Variants in SHISA6 observed in about 807,000 individuals in gnomAD.
The protein encoded by SHISA6 is protein shisa-6.
Under a neutral mutation model 47.9 loss-of-function variants are expected in SHISA6, and 22 were observed. That is an observed-to-expected ratio of 0.46 (90% CI 0.33 to 0.66). SHISA6 has a LOEUF of 0.66. Ranked by LOEUF, SHISA6 falls within the 30% of genes least tolerant of loss-of-function variation. SHISA6 has a pLI of 0.02. For synonymous variants in SHISA6, 388 were observed against 337.8 expected (o/e 1.15, Z -1.63); for missense variants, 680 against 764.6 (o/e 0.89, Z 1.30).
intron 3 of SHISA6, among the ~76,000 whole-genome samples, chr17:11,385,803 C>G (rs1325994041): frequency 6.6e-6 from 1 of 152,046 alleles, no homozygotes; most frequent in African/African-American, 2.4e-5. Flanking sequence ...AGCCAGGCAT[C>G]AGGAAACCAG....
At chr17:11,280,858 C>A (rs1363866779) in intron 2 of SHISA6, among the ~76,000 whole-genome samples, 1 of 152,136 alleles carries the variant, frequency 6.6e-6, no homozygotes, top group Non-Finnish European at 1.5e-5. Context: ...GAAATGGAGG[C>A]CTTGAATGGC....
In SHISA6 at chr17:11,559,230, C is replaced by T. The variant is rs1323677790; in HGVS notation, c.*926C>T. The T allele has an allele frequency of 2.0e-5, 3 of 152,604 alleles. No individual in the cohort carries two copies. Among genetic ancestry groups the T allele is most frequent in the African/African-American group, 7.2e-5 (3 of 41,468 alleles). The allele number at this position is 152,604 out of a possible 1,614,324, so 9.5% of individuals were successfully genotyped here. On this transcript the variant is annotated 3_prime_UTR_variant, in exon 6 of 6. Transcript: ENST00000441885. This position sits in a 1 kb window ranked among gnomAD's most constrained non-coding sequence, Gnocchi z 4.4. ...GGCCTCTAGACCTGACCATGACTGC[C>T]ACTCAGGCTGCCTTCTCCACCCCTG...
intron 2 of SHISA6, among the ~76,000 whole-genome samples, chr17:11,311,784 C>CT (rs528207675): frequency 3.2e-4 from 48 of 150,254 alleles, no homozygotes; most frequent in East Asian, 9.8e-4. Flanking sequence ...CTTTTCTTTT[C>CT]TTTTTTTTTG....
chr17:11,527,071 T>C lies in SHISA6; in HGVS notation c.896-24825T>C, dbSNP rs528588203. Among the ~76,000 whole-genome samples the C allele has an allele frequency of 3.8e-4, 57 of 151,894 alleles. 1 individual carries two copies. The South Asian group carries it at 0.012, about 31-fold the overall frequency. ...TCCCATCTTCCAAAAGGGAAACCCT[T>C]TACCACCCAAGAATACAGACCTATT... is the stretch of plus-strand genomic sequence containing the variant. On this transcript the variant is annotated intron_variant, in intron 3 of 5. Coordinates refer to ENST00000441885, the MANE Select transcript of SHISA6 (RefSeq NM_207386.4).
chr17:11,395,972 G>A (rs921572831), intron 3 of SHISA6, among the ~76,000 whole-genome samples: 9 of 152,162 alleles, frequency 5.9e-5, no homozygotes, highest in Non-Finnish European at 1.5e-5. Context: ...TTAAGATCCT[G>A]TCTTTATGAC....
At position 11,381,631 on chromosome 17, in the gene SHISA6, A is replaced by C. The variant is rs138622502; in HGVS notation, c.895+2122A>C. 3.7e-3 allele frequency among the ~76,000 whole-genome samples: 566 copies of C among 152,320 alleles called. 4 individuals carry two copies. Among genetic ancestry groups the C allele is most frequent in the Middle Eastern group, 0.014 (4 of 294 alleles). On this transcript the variant is annotated intron_variant, in intron 3 of 5. Coordinates refer to ENST00000441885, the MANE Select transcript of SHISA6 (RefSeq NM_207386.4). ...ATCCAAGCCATAGGTGAGCCAGATC[A>C]TGCATTTATCCAATAGTGGACGTTA...
At chr17:11,545,783 C>T (rs1197881141) in intron 3 of SHISA6, among the ~76,000 whole-genome samples, 2 of 152,196 alleles carry the variant, frequency 1.3e-5, no homozygotes, top group Non-Finnish European at 2.9e-5. Flanking sequence ...TGTTGGCTGT[C>T]AACTGAGACC....
chr17:11,357,817 G>A (rs759076236), intron 2 of SHISA6, among the ~76,000 whole-genome samples: 5 of 152,124 alleles, frequency 3.3e-5, no homozygotes, highest in Non-Finnish European at 7.3e-5. Context: ...GCTACAAGTC[G>A]AATTACTAAG....
chr17:11,247,696 T>G (rs1408934682), intron 1 of SHISA6, among the ~76,000 whole-genome samples: 13 of 152,068 alleles, frequency 8.5e-5, no homozygotes, highest in Non-Finnish European at 5.9e-5. Flanking sequence ...ATTTTTCCCC[T>G]CTTTTCTTTA....
intron 3 of SHISA6, among the ~76,000 whole-genome samples, chr17:11,431,744 G>A (rs528630776): frequency 9.2e-5 from 14 of 152,202 alleles, no homozygotes; most frequent in Non-Finnish European, 1.8e-4. Flanking sequence ...AAACACACCC[G>A]GGCATGGGGT....
intron 4 of SHISA6, among the ~76,000 whole-genome samples, chr17:11,553,515 C>T (rs2071948578): frequency 6.6e-6 from 1 of 152,140 alleles, no homozygotes; most frequent in Non-Finnish European, 1.5e-5. Flanking sequence ...TTGATGAGAC[C>T]TGGTCCCTGC....
intron 2 of SHISA6, among the ~76,000 whole-genome samples, chr17:11,300,796 G>A (rs1414794542): frequency 2.7e-5 from 4 of 150,786 alleles, no homozygotes; most frequent in African/African-American, 7.3e-5. Context: ...CTGGCTCTTT[G>A]TGAAATGCTA....
chr17:11,445,501 A>T (rs1332675533), intron 3 of SHISA6, among the ~76,000 whole-genome samples: 1 of 152,250 alleles, frequency 6.6e-6, no homozygotes. Context: ...TATCAGTATT[A>T]GTCAAGTATA....
intron 1 of SHISA6, among the ~76,000 whole-genome samples, chr17:11,256,279 T>C (rs533031699): frequency 2.0e-5 from 3 of 152,284 alleles, no homozygotes; most frequent in African/African-American, 4.8e-5. Flanking sequence ...GTGGATCACC[T>C]GAGGTCAGGA....
At chr17:11,291,591 G>A (rs1388310820) in intron 2 of SHISA6, among the ~76,000 whole-genome samples, 1 of 152,066 alleles carries the variant, frequency 6.6e-6, no homozygotes, top group Non-Finnish European at 1.5e-5. Flanking sequence ...CCAAGATTGT[G>A]CCACTACACT....
intron 2 of SHISA6, among the ~76,000 whole-genome samples, chr17:11,348,322 C>T (rs1310185957): frequency 6.6e-6 from 1 of 152,102 alleles, no homozygotes; most frequent in Non-Finnish European, 1.5e-5. Context: ...ACATGATTCT[C>T]AAAAACTGAA....
chr17:11,284,546 A>G (rs1909229962), intron 2 of SHISA6, among the ~76,000 whole-genome samples: 1 of 152,192 alleles, frequency 6.6e-6, no homozygotes, highest in East Asian at 1.9e-4. Context: ...CAAATTGACT[A>G]CTAGGTAGGT....
intron 2 of SHISA6, among the ~76,000 whole-genome samples, chr17:11,337,580 T>C (rs573804890): frequency 3.9e-5 from 6 of 152,338 alleles, no homozygotes; most frequent in Admixed American, 3.3e-4. Context: ...GGCTTCTTCA[T>C]GTAAGCACAA....
At chr17:11,521,595 A>ACAACATAGTGAGACCCCAGGG (rs11274131) in intron 3 of SHISA6, among the ~76,000 whole-genome samples, 1 of 151,798 alleles carries the variant, frequency 6.6e-6, no homozygotes, top group African/African-American at 2.4e-5. Context: ...ACCAGCCTGG[A>ACAACATAGTGAGACCCCAGGG]CAACATAGTG....
Sources: allele counts gnomAD v4.1 joint callset (sites outside exome capture counted in the v4.1 genomes callset), GRCh38; gene constraint gnomAD v4.1.1; non-coding constraint Gnocchi (gnomAD v3.1); transcripts MANE v1.5; gene names NCBI Gene and HGNC (gene_info 2026-07-23, HGNC 2026-07-21).